Variants in NDE1 observed in about 807,000 individuals in gnomAD.
NDE1 encodes nudE neurodevelopment protein 1, also known as nuclear distribution protein nudE homolog 1.
NDE1 carries 28 observed loss-of-function variants against 43.4 expected under a neutral mutation model. That is an observed-to-expected ratio of 0.65 (90% CI 0.48 to 0.89). The LOEUF is 0.89. NDE1 is among the 40% of genes least tolerant of loss of function. NDE1 has a pLI of 0.00. For missense variants in NDE1, 441 were observed against 434.1 expected, an observed-to-expected ratio of 1.02 and a Z score of -0.14; for synonymous variants, 184 against 172.0, an observed-to-expected ratio of 1.07 and a Z score of -0.55.
At chr16:15,696,382 AAAAC>A (rs1244749486) in intron 7 of NDE1, among the ~76,000 whole-genome samples, 2 of 115,086 alleles carry the variant, frequency 1.7e-5, no homozygotes, top group Non-Finnish European at 4.1e-5. Context: ...AGTAAAAAAC[AAAAC>A]AAAAAAAAAA....
chr16:15,704,236 T>C, intron 8 of NDE1: 8 of 1,292,794 alleles, frequency 6.2e-6, no homozygotes, highest in Non-Finnish European at 8.6e-6. Context: ...ATATAAATTT[T>C]TTTTATGGCA....
rs8044738 is a variant in NDE1, at chr16:15,687,197, A to G, written c.387-178A>G. Reference sequence around the variant, plus strand: ...TGAGCTATGATGAGTCCCATTCTGCAGGTAAAGAGCCCATGCCCCAGAAGG... The same window carrying G: ...TGAGCTATGATGAGTCCCATTCTGCGGGTAAAGAGCCCATGCCCCAGAAGG... On this transcript the variant is annotated intron_variant, in intron 4 of 8. Transcript: ENST00000396354. The G allele has an allele frequency of 0.66, 1,001,140 of 1,516,290 alleles. 334,188 individuals are homozygous for G. Among genetic ancestry groups the G allele is most frequent in the African/African-American group, 0.9 (65,146 of 72,596 alleles). 93.9% of individuals were successfully genotyped at this position (1,516,290 alleles called of 1,614,324 possible). A position where few individuals can be genotyped will look rare whatever the true frequency, so the allele number is the denominator to read the frequency against.
intron 2 of NDE1, among the ~76,000 whole-genome samples, chr16:15,666,124 A>G (rs2037293456): frequency 2.6e-5 from 4 of 152,174 alleles, no homozygotes; most frequent in African/African-American, 9.6e-5. Flanking sequence ...CTTTGTGCAC[A>G]GGGAAAGAGC....
intron 4 of NDE1, among the ~76,000 whole-genome samples, chr16:15,681,372 C>T (rs1399446690): frequency 7.1e-6 from 1 of 141,202 alleles, no homozygotes; most frequent in Non-Finnish European, 1.5e-5. Flanking sequence ...GCAAGTGATT[C>T]TCCCACCTCA....
At chr16:15,698,068 C>T (rs945928110) in intron 8 of NDE1, among the ~76,000 whole-genome samples, 2 of 152,124 alleles carry the variant, frequency 1.3e-5, no homozygotes, top group African/African-American at 2.4e-5. Context: ...TCTCAAAGTG[C>T]TGGGATTACA....
chr16:15,688,188 G>A (rs2038537542), intron 5 of NDE1, among the ~76,000 whole-genome samples: 1 of 151,030 alleles, frequency 6.6e-6, no homozygotes, highest in African/African-American at 2.4e-5. Context: ...AAGAAGCAAA[G>A]ATGTTGTGGG....
chr16:15,662,520 T>C (rs760202922), intron 1 of NDE1, among the ~76,000 whole-genome samples: 1 of 151,942 alleles, frequency 6.6e-6, no homozygotes, highest in Non-Finnish European at 1.5e-5. Context: ...CCTGACCTCA[T>C]GATCCGCCTG....
chr16:15,654,602 C>CAAAAA (rs200126051), intron 1 of NDE1, among the ~76,000 whole-genome samples: 17 of 75,584 alleles, frequency 2.2e-4, no homozygotes, highest in East Asian at 1.4e-3. Flanking sequence ...GATTCCGACT[C>CAAAAA]AAAAAAAAAA....
chr16:15,674,926 C>G (rs2037790614), intron 3 of NDE1, among the ~76,000 whole-genome samples: 1 of 152,042 alleles, frequency 6.6e-6, no homozygotes, highest in South Asian at 2.1e-4. Context: ...GCTGGTGACT[C>G]TTTGTAATAC....
intron 8 of NDE1, among the ~76,000 whole-genome samples, chr16:15,706,086 G>C (rs945031625): frequency 6.6e-6 from 1 of 151,876 alleles, no homozygotes; most frequent in Admixed American, 6.6e-5. Context: ...GAGAGACCCC[G>C]GCTGGGAAAG....
upstream of NDE1, among the ~76,000 whole-genome samples, chr16:15,648,727 G>C (rs2036382644): frequency 6.6e-6 from 1 of 152,200 alleles, no homozygotes; most frequent in Non-Finnish European, 1.5e-5. Flanking sequence ...AAAATCGCTT[G>C]AATCTGGGAG....
chr16:15,657,170 T>C (rs1472769476), intron 1 of NDE1, among the ~76,000 whole-genome samples: 4 of 152,040 alleles, frequency 2.6e-5, no homozygotes, highest in Admixed American at 1.3e-4. Context: ...TGATCTTGGC[T>C]CACTGCAACC....
chr16:15,716,135 C>T (rs1259017967), intron 8 of NDE1, among the ~76,000 whole-genome samples: 1 of 152,002 alleles, frequency 6.6e-6, no homozygotes, highest in Non-Finnish European at 1.5e-5. Context: ...TGCTATGCTG[C>T]CCAGACTGGT....
In NDE1 at chr16:15,657,291, G is replaced by A. The variant is rs570466247; in HGVS notation, c.-44+6997G>A. 1.5e-3 allele frequency among the ~76,000 whole-genome samples: 228 copies of A among 152,056 alleles called. 3 individuals carry two copies. The Middle Eastern group carries it at 0.051, about 34-fold the overall frequency. ...TTCTTGTATTTTTAGTGGAAATGGAGTTTCACCATGTTGGCCAGGCTGGTC... is the reference window on the plus strand; with the variant it reads ...TTCTTGTATTTTTAGTGGAAATGGAATTTCACCATGTTGGCCAGGCTGGTC... On this transcript the variant is annotated intron_variant, in intron 1 of 8. Transcript: ENST00000396354.
intron 3 of NDE1, among the ~76,000 whole-genome samples, chr16:15,674,402 A>G (rs544488301): frequency 2.0e-5 from 3 of 151,332 alleles, no homozygotes; most frequent in African/African-American, 4.9e-5. Flanking sequence ...GCACCACCAC[A>G]CTCGGCTAAT....
At chr16:15,720,332 G>A in intron 8 of NDE1, 1 of 1,611,220 alleles carries the variant, frequency 6.2e-7, no homozygotes, top group Non-Finnish European at 8.5e-7. Flanking sequence ...GAATAGAGAT[G>A]TGTGCTGCCC....
chr16:15,690,353 C>CTTTTTTTTTTTTTTT (rs869069843), intron 5 of NDE1, among the ~76,000 whole-genome samples: 45 of 80,958 alleles, frequency 5.6e-4, no homozygotes, highest in African/African-American at 1.1e-3. Flanking sequence ...TTTTTTTTTT[C>CTTTTTTTTTTTTTTT]TTTTTTTTTT....
At chr16:15,678,051 A>G (rs2037978159) in intron 4 of NDE1, 102 bp downstream of exon 4, 3 of 1,437,878 alleles carry the variant, frequency 2.1e-6, no homozygotes, top group Non-Finnish European at 2.9e-6. Flanking sequence ...GGAACTAAGC[A>G]GTGAGCAGAA....
chr16:15,715,132 G>A (rs772307503), intron 8 of NDE1: 3 of 1,612,458 alleles, frequency 1.9e-6, no homozygotes, highest in African/African-American at 2.7e-5. Flanking sequence ...TGGGGGCTGG[G>A]GGCTCGAGGG....
Sources: gnomAD v4.1 joint callset for allele counts (sites outside exome capture counted in the v4.1 genomes callset) on GRCh38, gnomAD v4.1.1 for gene constraint, MANE v1.5 for transcripts, NCBI Gene and HGNC (gene_info 2026-07-23, HGNC 2026-07-21) for gene names.